RERG: variants seen among roughly 807,000 people sequenced by gnomAD.
The protein encoded by RERG is ras-related and estrogen-regulated growth inhibitor.
RERG carries 25 observed loss-of-function variants against 23.2 expected under a neutral mutation model. That is an observed-to-expected ratio of 1.08 (90% CI 0.79 to 1.50). The LOEUF (loss-of-function observed/expected upper bound fraction) is 1.50. RERG is among the 40% of genes most tolerant of loss of function. RERG has a pLI of 0.00. For synonymous variants in RERG, 81 were observed against 89.1 expected (o/e 0.91, Z 0.51); for missense variants, 253 against 250.1 (o/e 1.01, Z -0.08).
intron 2 of RERG, among the ~76,000 whole-genome samples, chr12:15,203,409 A>G (rs904646046): frequency 6.6e-5 from 10 of 151,752 alleles, no homozygotes; most frequent in Admixed American, 2.0e-4. Flanking sequence ...CAAACTAGGT[A>G]TAGAAGGAAT....
chr12:15,178,976 T>G (rs1270671071), intron 2 of RERG, among the ~76,000 whole-genome samples: 1 of 152,198 alleles, frequency 6.6e-6, no homozygotes. Flanking sequence ...CCTAACCTAT[T>G]ACTTTCTCCA....
intron 2 of RERG, among the ~76,000 whole-genome samples, chr12:15,178,176 T>G (rs1464936040): frequency 6.6e-6 from 1 of 152,156 alleles, no homozygotes; most frequent in African/African-American, 2.4e-5. Context: ...ACAACTTGAT[T>G]CTATAATGGA....
At chr12:15,204,633 A>G (rs1382502928) in intron 2 of RERG, among the ~76,000 whole-genome samples, 1 of 151,848 alleles carries the variant, frequency 6.6e-6, no homozygotes, top group Non-Finnish European at 1.5e-5. Flanking sequence ...CACTGAATTT[A>G]CAGTATTTCA....
At chr12:15,200,423 C>A (rs918670723) in intron 2 of RERG, among the ~76,000 whole-genome samples, 4 of 152,054 alleles carry the variant, frequency 2.6e-5, no homozygotes, top group African/African-American at 9.7e-5. Context: ...GAAAACATAG[C>A]AACCATAAAT....
chr12:15,128,588 G>A (rs979068787), intron 2 of RERG, among the ~76,000 whole-genome samples: 1 of 152,202 alleles, frequency 6.6e-6, no homozygotes, highest in Non-Finnish European at 1.5e-5. Context: ...CTGTTATGAT[G>A]TCTAGAATTC....
chr12:15,143,914 G>C (rs1039412654), intron 2 of RERG, among the ~76,000 whole-genome samples: 1 of 152,188 alleles, frequency 6.6e-6, no homozygotes, highest in South Asian at 2.1e-4. Flanking sequence ...CATGTATCTG[G>C]GGACAGAATG....
intron 2 of RERG, among the ~76,000 whole-genome samples, chr12:15,213,998 G>GTGTA (rs200417469): frequency 0.07 from 628 of 8,930 alleles, 15 homozygotes; most frequent in Admixed American, 0.35. Flanking sequence ...GAGAAAGTAT[G>GTGTA]TGTGTGTGTG....
intron 2 of RERG, among the ~76,000 whole-genome samples, chr12:15,203,298 T>C (rs996050540): frequency 2.0e-5 from 3 of 151,708 alleles, no homozygotes. Context: ...TTTGTTTTCT[T>C]TGCTGAAGAA....
At chr12:15,208,051 C>T (rs1169783643) in intron 2 of RERG, among the ~76,000 whole-genome samples, 1 of 151,948 alleles carries the variant, frequency 6.6e-6, no homozygotes, top group Non-Finnish European at 1.5e-5. Context: ...AGGAGACTAC[C>T]CCTGATAATA....
At chr12:15,150,293 C>A (rs1400008783) in intron 2 of RERG, among the ~76,000 whole-genome samples, 1 of 152,028 alleles carries the variant, frequency 6.6e-6, no homozygotes, top group African/African-American at 2.4e-5. Context: ...AACAAACAAG[C>A]AAAATAATAG....
chr12:15,165,982 T>C (rs986951017), intron 2 of RERG, among the ~76,000 whole-genome samples: 21 of 152,134 alleles, frequency 1.4e-4, no homozygotes, highest in Non-Finnish European at 1.3e-4. Flanking sequence ...GTCACTAGTA[T>C]AAGAGACTGG....
At chr12:15,125,077 C>G (rs1863913108) in intron 2 of RERG, among the ~76,000 whole-genome samples, 1 of 151,812 alleles carries the variant, frequency 6.6e-6, no homozygotes, top group Non-Finnish European at 1.5e-5. Flanking sequence ...CCTGCAGTAC[C>G]TTCACAAAAA....
chr12:15,127,104 A>C (rs1013059878), intron 2 of RERG, among the ~76,000 whole-genome samples: 19 of 152,120 alleles, frequency 1.2e-4, no homozygotes, highest in Non-Finnish European at 2.5e-4. Context: ...TTAATCACTC[A>C]TCTGTGACAT....
intron 2 of RERG, among the ~76,000 whole-genome samples, chr12:15,205,399 T>C (rs974110573): frequency 6.6e-6 from 1 of 152,034 alleles, no homozygotes; most frequent in Non-Finnish European, 1.5e-5. Flanking sequence ...AAGATTCACA[T>C]GTACTGTGTT....
At chr12:15,158,090 C>T (rs1864549496) in intron 2 of RERG, among the ~76,000 whole-genome samples, 1 of 152,042 alleles carries the variant, frequency 6.6e-6, no homozygotes, top group South Asian at 2.1e-4. Context: ...TTATCAATAT[C>T]AGAAAATTTA....
At chr12:15,202,985 C>T (rs934934187) in intron 2 of RERG, among the ~76,000 whole-genome samples, 1 of 151,622 alleles carries the variant, frequency 6.6e-6, no homozygotes, top group African/African-American at 2.4e-5. Flanking sequence ...GTTGCTGTTG[C>T]TGTTTTTATA....
At chr12:15,130,651 T>A (rs1864030415) in intron 2 of RERG, among the ~76,000 whole-genome samples, 1 of 152,216 alleles carries the variant, frequency 6.6e-6, no homozygotes, top group Admixed American at 6.5e-5. Context: ...GCATGCTTTG[T>A]AATGCCAGAA....
chr12:15,206,300 C>T (rs1469291734), intron 2 of RERG, among the ~76,000 whole-genome samples: 1 of 152,064 alleles, frequency 6.6e-6, no homozygotes, highest in African/African-American at 2.4e-5. Context: ...TATTTTTTTA[C>T]TCACTTTGTC....
intron 2 of RERG, among the ~76,000 whole-genome samples, chr12:15,189,761 TG>T (rs1865043407): frequency 6.6e-6 from 1 of 152,156 alleles, no homozygotes; most frequent in Non-Finnish European, 1.5e-5. Flanking sequence ...GAAAGGACTT[TG>T]CATTACCTTA....
Sources: gnomAD v4.1 joint callset for allele counts (sites outside exome capture counted in the v4.1 genomes callset) on GRCh38, gnomAD v4.1.1 for gene constraint, MANE v1.5 for transcripts, NCBI Gene and HGNC (gene_info 2026-07-23, HGNC 2026-07-21) for gene names.